PIEZO2: variants seen among roughly 807,000 people sequenced by gnomAD.
PIEZO2 encodes the protein piezo type mechanosensitive ion channel component 2, also known as piezo-type mechanosensitive ion channel component 2.
A neutral mutation model predicts 337.3 loss-of-function variants in PIEZO2; 172 were observed. That is an observed-to-expected ratio of 0.51 (90% CI 0.45 to 0.58). The LOEUF (loss-of-function observed/expected upper bound fraction) is 0.58. PIEZO2 is among the 20% of genes least tolerant of loss of function. The pLI is 0.00. For missense variants in PIEZO2, 3,028 were observed against 3,391.3 expected, an observed-to-expected ratio of 0.89 and a Z score of 2.66; for synonymous variants, 1,251 against 1,228.5, an observed-to-expected ratio of 1.02 and a Z score of -0.38.
chr18:11,050,843 A>AT (rs1157850906), intron 2 of PIEZO2, among the ~76,000 whole-genome samples: 2 of 150,260 alleles, frequency 1.3e-5, no homozygotes, highest in East Asian at 3.9e-4. Context: ...GCAAGGAAAT[A>AT]TATCTGGGGA....
intron 3 of PIEZO2, among the ~76,000 whole-genome samples, chr18:10,917,384 G>C (rs1055633869): frequency 2.0e-5 from 3 of 151,990 alleles, no homozygotes; most frequent in Non-Finnish European, 4.4e-5. Flanking sequence ...TCATTTTGCA[G>C]TTTTATATTT....
chr18:10,808,706 C>T (rs2040077172), intron 7 of PIEZO2, among the ~76,000 whole-genome samples: 1 of 152,042 alleles, frequency 6.6e-6, no homozygotes, highest in Admixed American at 6.5e-5. Flanking sequence ...TAACAATTTC[C>T]TGAGTGAAAA....
chr18:10,742,697 C>A lies in PIEZO2; in HGVS notation c.4515-82G>T, dbSNP rs1431331827. On this transcript the variant is annotated intron_variant, in intron 31 of 55. Transcript: ENST00000674853. ...TCAGTACTTTGGACTTATGCTGTTA[C>A]GTATATAGCTAAATTCGTGGACAAA... The A allele has an allele frequency of 9.9e-6, 14 of 1,407,816 alleles. No individual in the cohort carries two copies. The East Asian group carries it at 3.5e-4, about 36-fold the overall frequency. 87.2% of individuals were successfully genotyped at this position (1,407,816 alleles called of 1,614,324 possible). A position where few individuals can be genotyped will look rare whatever the true frequency, so the allele number is the denominator to read the frequency against.
chr18:11,090,948 A>T (rs2039066687), intron 1 of PIEZO2, among the ~76,000 whole-genome samples: 1 of 150,856 alleles, frequency 6.6e-6, no homozygotes, highest in Non-Finnish European at 1.5e-5. Flanking sequence ...TGTGGGGCAC[A>T]TTGCTCTTTA....
chr18:10,732,793 C>T (rs1043276722), intron 35 of PIEZO2, among the ~76,000 whole-genome samples: 3 of 152,116 alleles, frequency 2.0e-5, no homozygotes, highest in Non-Finnish European at 2.9e-5. Context: ...ATTGGGAATT[C>T]TATCAAGAAT....
rs761873910 is a variant in PIEZO2, at chr18:10,800,208, A to AGT, written c.1378+127_1378+128dup. 5.5e-5 allele frequency: 70 copies of AGT among 1,271,324 alleles called. No individual in the cohort carries two copies. In the East Asian group the frequency reaches 8.0e-4, roughly 14 times the overall value. 78.8% of individuals were successfully genotyped at this position (1,271,324 alleles called of 1,614,324 possible). A position where few individuals can be genotyped will look rare whatever the true frequency, so the allele number is the denominator to read the frequency against. On this transcript the variant is annotated intron_variant, in intron 11 of 55. Coordinates refer to ENST00000674853, the MANE Select transcript of PIEZO2 (RefSeq NM_001378183.1). ...GCAAAATGCAGGCAGAACTTAAAGA[A>AGT]GTGAGGTTAATGACACTGACATGGA... is the stretch of plus-strand genomic sequence containing the variant.
Position 10,819,540 on chromosome 18 carries a change from G to T in PIEZO2, c.918-12266C>A, listed in dbSNP as rs962941981. Among the ~76,000 whole-genome samples the T allele has an allele frequency of 6.6e-6, 1 of 152,086 alleles. No individual in the cohort carries two copies. Among genetic ancestry groups the T allele is most frequent in the Admixed American group, 6.5e-5 (1 of 15,278 alleles). On this transcript the variant is annotated intron_variant, in intron 7 of 55. Coordinates refer to ENST00000674853, the MANE Select transcript of PIEZO2 (RefSeq NM_001378183.1). This position sits in a 1 kb window ranked among gnomAD's most constrained non-coding sequence, Gnocchi z 4.3. ...TAATGCTGACTGCTCTATCAATGTC[G>T]AACATGTCACTTAACAAAAAATCCA... is the stretch of plus-strand genomic sequence containing the variant.
chr18:10,701,933 C>T, intron 43 of PIEZO2, 56 bp downstream of exon 43: 1 of 1,404,538 alleles, frequency 7.1e-7, no homozygotes, highest in South Asian at 1.6e-5. Flanking sequence ...AGATTACGGT[C>T]CAGGTTATCT....
chr18:10,822,100 A>T (rs370343730), intron 7 of PIEZO2, among the ~76,000 whole-genome samples: 2 of 152,350 alleles, frequency 1.3e-5, no homozygotes, highest in East Asian at 1.9e-4. Flanking sequence ...GTAGAAAATG[A>T]TCACATGCCT....
At chr18:11,123,876 A>G (rs1448844878) in intron 1 of PIEZO2, among the ~76,000 whole-genome samples, 2 of 152,128 alleles carry the variant, frequency 1.3e-5, no homozygotes, top group African/African-American at 4.8e-5. Context: ...AGTCTTTATT[A>G]TAAAGATAAA....
intron 10 of PIEZO2, 69 bp from the exon 11 acceptor site, chr18:10,800,544 AC>A: frequency 6.9e-7 from 1 of 1,445,618 alleles, no homozygotes; most frequent in Non-Finnish European, 9.1e-7. Context: ...ACATACCCCC[AC>A]TTCCCTTCCT....
At chr18:11,087,398 A>C (rs1473856266) in intron 1 of PIEZO2, among the ~76,000 whole-genome samples, 1 of 152,168 alleles carries the variant, frequency 6.6e-6, no homozygotes, top group Non-Finnish European at 1.5e-5. Context: ...CATCCCCTGT[A>C]ACATAAGCAT....
At position 10,689,432 on chromosome 18, in the gene PIEZO2, A is replaced by G. The variant is rs939271079; in HGVS notation, c.7497+223T>C. On this transcript the variant is annotated intron_variant, in intron 49 of 55. Coordinates refer to ENST00000674853, the MANE Select transcript of PIEZO2 (RefSeq NM_001378183.1). The stretch of plus-strand genomic sequence containing the variant: ...ACCGTTTTTTAAAAATAACTACAAT[A>G]TGAAGTTGCCGAAAGAAGAAAACAT... Among the ~76,000 whole-genome samples, 6 of 151,858 alleles carry G rather than the reference A, an allele frequency of 4.0e-5. No homozygotes were observed. The Admixed American group carries it at 4.0e-4, about 10-fold the overall frequency.
Position 10,942,411 on chromosome 18 carries a change from A to C in PIEZO2, c.287-31183T>G, listed in dbSNP as rs142510613. Among the ~76,000 whole-genome samples the C allele has an allele frequency of 5.1e-3, 783 of 152,316 alleles. 8 individuals are homozygous for C. Among genetic ancestry groups the C allele is most frequent in the African/African-American group, 0.017 (715 of 41,584 alleles). ...CAGGCTGAGGTGGTCTCAGATGTAG[A>C]TGAGGAACTTGTTGGGAAATGGAGC... On this transcript the variant is annotated intron_variant, in intron 3 of 55. Coordinates refer to ENST00000674853, the MANE Select transcript of PIEZO2 (RefSeq NM_001378183.1). This position sits in a 1 kb window ranked among gnomAD's most constrained non-coding sequence, Gnocchi z 4.4.
Position 11,067,916 on chromosome 18 carries a change from T to C in PIEZO2, c.65-1694A>G, listed in dbSNP as rs189081804. 6.9e-3 allele frequency among the ~76,000 whole-genome samples: 1,054 copies of C among 152,304 alleles called. 9 individuals are homozygous for C. Among genetic ancestry groups the C allele is most frequent in the Non-Finnish European group, 0.01 (709 of 68,022 alleles). ...TCCAACAGCAGCAGAATACACATTCTTTTTTTGTTTGTTTGTTTGTTTTGA... is the reference window on the plus strand; with the variant it reads ...TCCAACAGCAGCAGAATACACATTCCTTTTTTGTTTGTTTGTTTGTTTTGA... On this transcript the variant is annotated intron_variant, in intron 1 of 55. Transcript: ENST00000674853.
intron 36 of PIEZO2, chr18:10,725,436 G>C (rs1156771979): frequency 1.3e-6 from 2 of 1,598,986 alleles, no homozygotes; most frequent in African/African-American, 2.7e-5. Context: ...GTACTGGTTG[G>C]AGGGCATGCT....
intron 3 of PIEZO2, among the ~76,000 whole-genome samples, chr18:10,950,763 G>A (rs1714189636): frequency 6.6e-6 from 1 of 151,922 alleles, no homozygotes; most frequent in South Asian, 2.1e-4. Flanking sequence ...TCCTCGTACC[G>A]GCCTTACACT....
Position 10,834,159 on chromosome 18 carries a change from C to T in PIEZO2, c.917+21194G>A, listed in dbSNP as rs1306767751. On this transcript the variant is annotated intron_variant, in intron 7 of 55. Transcript: ENST00000674853. The surrounding 1 kb of genome is among the most constrained non-coding windows in gnomAD (Gnocchi z 4.5). ...ATCAGTTCCTTGTGTTAGGAACATT[C>T]CATTTCCACTCTCAGTTATTTTAAA... 2.0e-5 allele frequency among the ~76,000 whole-genome samples: 3 copies of T among 152,186 alleles called. No homozygotes were observed. Among genetic ancestry groups the T allele is most frequent in the Non-Finnish European group, 1.5e-5 (1 of 68,036 alleles).
At position 10,770,302 on chromosome 18, in the gene PIEZO2, C is replaced by T; in HGVS notation, c.2792G>A (p.Arg931Lys). Residue 931 changes from arginine to lysine, a missense_variant, in exon 21 of 56, where the codon AGG becomes AAG. Coordinates refer to ENST00000674853, the MANE Select transcript of PIEZO2 (RefSeq NM_001378183.1). ...GTCAATCACCAGGTGCCATTTGTTC[C>T]TTAAGTCTGCAAAATAGGAAGTACA... Reference protein sequence around the residue: ...SEEEEETSDLRNKWHLVIDRL... With the variant: ...SEEEEETSDLKNKWHLVIDRL... 6.5e-7 allele frequency: 1 copy of T among 1,536,284 alleles called. No homozygotes were observed. Among genetic ancestry groups the T allele is most frequent in the Non-Finnish European group, 8.7e-7 (1 of 1,146,486 alleles).
Sources: gnomAD v4.1 joint callset for allele counts (sites outside exome capture counted in the v4.1 genomes callset) on GRCh38, gnomAD v4.1.1 for gene constraint, Gnocchi (gnomAD v3.1) non-coding constraint, MANE v1.5 for transcripts, NCBI Gene and HGNC (gene_info 2026-07-23, HGNC 2026-07-21) for gene names.